Variants in PRKN observed in about 807,000 individuals in gnomAD.
The protein encoded by PRKN is parkin RBR E3 ubiquitin protein ligase, also known as E3 ubiquitin-protein ligase parkin.
A neutral mutation model predicts 59.5 loss-of-function variants in PRKN; 56 were observed. The observed-to-expected ratio is 0.94, with a 90% CI of 0.76 to 1.18. The LOEUF (loss-of-function observed/expected upper bound fraction) is 1.18, where lower values mean the gene tolerates loss of function less well. PRKN is among the 50% of genes most tolerant of loss of function. PRKN has a pLI of 0.00. For synonymous variants in PRKN, 250 were observed against 222.1 expected, an observed-to-expected ratio of 1.13 and a Z score of -1.12; for missense variants, 657 against 596.4, an observed-to-expected ratio of 1.10 and a Z score of -1.06.
intron 1 of PRKN, among the ~76,000 whole-genome samples, chr6:162,545,951 A>T (rs71567654): frequency 0.09 from 13,633 of 152,168 alleles, 746 homozygotes; most frequent in South Asian, 0.18. Flanking sequence ...GGTAAGAAGT[A>T]TCAATAGAAT....
chr6:162,668,289 A>G (rs1191938200), intron 1 of PRKN, among the ~76,000 whole-genome samples: 2 of 152,250 alleles, frequency 1.3e-5, no homozygotes, highest in Admixed American at 6.5e-5. Flanking sequence ...AAAGATAAGC[A>G]GAGAGATTTA....
At chr6:161,542,860 A>G (rs12198566) in intron 9 of PRKN, among the ~76,000 whole-genome samples, 44,727 of 152,106 alleles carry the variant, frequency 0.29, 7,069 homozygotes, top group Middle Eastern at 0.37. Flanking sequence ...CCCTGAAAAC[A>G]TCATATATTT....
intron 6 of PRKN, among the ~76,000 whole-genome samples, chr6:161,899,803 C>A (rs1173593148): frequency 6.6e-6 from 1 of 152,146 alleles, no homozygotes; most frequent in African/African-American, 2.4e-5. Flanking sequence ...GGATTGAGTA[C>A]AGCAGGGAAG....
chr6:162,544,973 G>A (rs1332794989), intron 1 of PRKN, among the ~76,000 whole-genome samples: 8 of 149,190 alleles, frequency 5.4e-5, no homozygotes, highest in African/African-American at 1.7e-4. Context: ...CACCGCGCCC[G>A]GCCTCAAGTT....
chr6:162,042,221 C>T (rs1303883544), intron 5 of PRKN, among the ~76,000 whole-genome samples: 3 of 151,622 alleles, frequency 2.0e-5, no homozygotes, highest in African/African-American at 7.3e-5. Flanking sequence ...ATAAATGAAA[C>T]AAACATTTAT....
intron 1 of PRKN, among the ~76,000 whole-genome samples, chr6:162,505,966 G>A (rs1190147137): frequency 1.3e-5 from 2 of 152,118 alleles, no homozygotes; most frequent in African/African-American, 2.4e-5. Flanking sequence ...GGGAGGCAGG[G>A]GCAACAAGTT....
intron 6 of PRKN, among the ~76,000 whole-genome samples, chr6:161,844,294 G>A (rs1048468218): frequency 2.6e-5 from 4 of 152,130 alleles, no homozygotes; most frequent in African/African-American, 7.2e-5. Flanking sequence ...TTACAAAGTC[G>A]CATCAAAAGC....
chr6:162,117,431 T>C (rs1780721341), intron 4 of PRKN, among the ~76,000 whole-genome samples: 1 of 152,190 alleles, frequency 6.6e-6, no homozygotes, highest in South Asian at 2.1e-4. Flanking sequence ...CCTGGCCATG[T>C]GAACTATAGT....
chr6:161,396,443 G>C lies in PRKN; in HGVS notation c.1084-9566C>G, dbSNP rs1228884545. ...TTTCTCAGACCTTATGGAGCAGTTGGCTCCTTCTAGAACTGGAGCACTGGT... is the reference window on the plus strand; with the variant it reads ...TTTCTCAGACCTTATGGAGCAGTTGCCTCCTTCTAGAACTGGAGCACTGGT... On this transcript the variant is annotated intron_variant, in intron 9 of 11. Coordinates refer to ENST00000366898, the MANE Select transcript of PRKN (RefSeq NM_004562.3). The surrounding 1 kb of genome is among the most constrained non-coding windows in gnomAD (Gnocchi z 5.4). 2.0e-5 allele frequency among the ~76,000 whole-genome samples: 3 copies of C among 152,084 alleles called. No individual in the cohort carries two copies. Among genetic ancestry groups the C allele is most frequent in the African/African-American group, 7.2e-5 (3 of 41,390 alleles).
chr6:162,164,183 G>A (rs1254929769), intron 4 of PRKN, among the ~76,000 whole-genome samples: 1 of 148,912 alleles, frequency 6.7e-6, no homozygotes, highest in Non-Finnish European at 1.5e-5. Context: ...TCGCTAATTA[G>A]TATTTAGCAA....
intron 7 of PRKN, among the ~76,000 whole-genome samples, chr6:161,690,498 T>C (rs931528218): frequency 1.3e-5 from 2 of 152,206 alleles, no homozygotes; most frequent in East Asian, 1.9e-4. Flanking sequence ...CTTCCTGTGA[T>C]GGTTAATTTT....
intron 2 of PRKN, among the ~76,000 whole-genome samples, chr6:162,419,769 C>G (rs370212072): frequency 7.9e-6 from 1 of 125,874 alleles, no homozygotes; most frequent in Non-Finnish European, 1.7e-5. Context: ...GAGATAGAGA[C>G]AGAGCCAGAG....
At chr6:161,737,852 A>G (rs1343064202) in intron 7 of PRKN, among the ~76,000 whole-genome samples, 1 of 152,204 alleles carries the variant, frequency 6.6e-6, no homozygotes, top group Admixed American at 6.5e-5. Flanking sequence ...GATCAAGAAG[A>G]AGTGGGCTCA....
intron 4 of PRKN, among the ~76,000 whole-genome samples, chr6:162,061,317 G>A (rs529264622): frequency 6.6e-6 from 1 of 152,236 alleles, no homozygotes; most frequent in South Asian, 2.1e-4. Flanking sequence ...GGCACATAGA[G>A]AGTTAAAAAA....
intron 4 of PRKN, among the ~76,000 whole-genome samples, chr6:162,102,887 C>CA (rs1490893374): frequency 1.3e-5 from 2 of 151,506 alleles, no homozygotes; most frequent in Admixed American, 6.6e-5. Context: ...ACTGAAAATA[C>CA]AAAAAATTAG....
chr6:161,965,263 C>G (rs1246564979), intron 6 of PRKN, among the ~76,000 whole-genome samples: 1 of 151,912 alleles, frequency 6.6e-6, no homozygotes, highest in African/African-American at 2.4e-5. Flanking sequence ...AATTATGAAA[C>G]CATTTATATC....
chr6:162,282,500 AAT>A (rs1780953218), intron 2 of PRKN, among the ~76,000 whole-genome samples: 1 of 152,220 alleles, frequency 6.6e-6, no homozygotes, highest in East Asian at 1.9e-4. Flanking sequence ...AGAATTTATC[AAT>A]GTCTTAGATG....
chr6:162,243,435 A>G (rs1195575813), intron 3 of PRKN, among the ~76,000 whole-genome samples: 1 of 152,102 alleles, frequency 6.6e-6, no homozygotes, highest in Non-Finnish European at 1.5e-5. Flanking sequence ...CACACACAAA[A>G]ATGCTTCAAG....
intron 7 of PRKN, among the ~76,000 whole-genome samples, chr6:161,746,746 TGC>T (rs1788441434): frequency 6.2e-5 from 9 of 145,982 alleles, no homozygotes; most frequent in Non-Finnish European, 1.0e-4. Flanking sequence ...ATTCTAGATA[TGC>T]ACATATATAT....
Sources: gnomAD v4.1 joint callset for allele counts (sites outside exome capture counted in the v4.1 genomes callset) on GRCh38, gnomAD v4.1.1 for gene constraint, Gnocchi (gnomAD v3.1) non-coding constraint, MANE v1.5 for transcripts, NCBI Gene and HGNC (gene_info 2026-07-23, HGNC 2026-07-21) for gene names.